ALPK3: variants seen among roughly 807,000 people sequenced by gnomAD.
ALPK3 encodes alpha-protein kinase 3.
ALPK3 carries 102 observed loss-of-function variants against 140.0 expected under a neutral mutation model. That is an observed-to-expected ratio of 0.73 (90% CI 0.62 to 0.86). The LOEUF (loss-of-function observed/expected upper bound fraction) is 0.86. ALPK3 is among the 40% of genes least tolerant of loss of function. The pLI is 0.00. For synonymous variants in ALPK3, 938 were observed against 898.5 expected (o/e 1.04, Z -0.79); for missense variants, 2,254 against 2,208.2 (o/e 1.02, Z -0.42).
In ALPK3 at chr15:84,856,241, C is replaced by T. The variant is rs190825171; in HGVS notation, c.1654-151C>T. 86 of 1,112,762 alleles carry T rather than the reference C, an allele frequency of 7.7e-5. No homozygotes were observed. The East Asian group carries it at 2.0e-3, about 26-fold the overall frequency. 68.9% of individuals were successfully genotyped at this position (1,112,762 alleles called of 1,614,324 possible). A position where few individuals can be genotyped will look rare whatever the true frequency, so the allele number is the denominator to read the frequency against. ...TTTGGGCATTTGTCACATGTCTTTG[C>T]CTCCCAACTTCCAGCAGGCCTGAGA... On this transcript the variant is annotated intron_variant, in intron 5 of 13. Transcript: ENST00000258888.
At chr15:84,843,740 A>G (rs992779707) in intron 5 of ALPK3, among the ~76,000 whole-genome samples, 4 of 152,264 alleles carry the variant, frequency 2.6e-5, no homozygotes, top group Non-Finnish European at 5.9e-5. Context: ...ATTATTTTTA[A>G]AAAGTATTTC....
rs750497832 is a variant in ALPK3 at position 84,863,657 on chromosome 15, G to C, written c.4499+17G>C. ...GGTGCCTGAGTAAGTACGCAGCGAGGAGGACGTGCAGTGTGCAGCACTGTT... is the reference window on the plus strand; with the variant it reads ...GGTGCCTGAGTAAGTACGCAGCGAGCAGGACGTGCAGTGTGCAGCACTGTT... On this transcript the variant is annotated intron_variant, in intron 11 of 13. Coordinates refer to ENST00000258888, the MANE Select transcript of ALPK3 (RefSeq NM_020778.5). 2.5e-6 allele frequency: 4 copies of C among 1,612,112 alleles called. No homozygotes were observed. The highest frequency in any genetic ancestry group is 3.3e-5 in the Admixed American group (2 of 59,906).
Position 84,858,287 on chromosome 15 carries a change from T to C in ALPK3, c.3549T>C (p.Pro1183=). The C allele has an allele frequency of 6.3e-7, 1 of 1,583,774 alleles. No individual in the cohort carries two copies. The highest frequency in any genetic ancestry group is 2.3e-5 in the East Asian group (1 of 43,044). Residue 1183 remains proline (P), a synonymous_variant, in exon 6 of 14, where the codon CCT becomes CCC. Transcript: ENST00000258888. ...CAGGAGACGGGGAGGCAACCACACC[T>C]GAAGAAAGGGAGAGCCCCACGGTTT... The part of the protein sequence containing the change: ...RAAGDGEATT[P]EERESPTVSP...
Position 84,857,808 on chromosome 15 carries a change from G to C in ALPK3, c.3070G>C (p.Val1024Leu). Reference sequence around the variant, plus strand: ...GGAGCGTGTGGAGAACAACCACCTGGTGCAGAGTGCACAGACCCTGCTGCT... The same window carrying C: ...GGAGCGTGTGGAGAACAACCACCTGCTGCAGAGTGCACAGACCCTGCTGCT... ...ILERVENNHL[V>L]QSAQTLLLSP... Residue 1024 changes from valine to leucine, a missense_variant, in exon 6 of 14, where the codon GTG becomes CTG. Physicochemically the swap from Val to Leu is conservative, Grantham distance 32 (BLOSUM62 1). This residue lies in a region of ALPK3 where 2,088 missense variants were observed against 2,022.9 expected (regional missense o/e 1.03). Transcript: ENST00000258888. 6.2e-7 allele frequency: 1 copy of C among 1,611,310 alleles called. No homozygotes were observed.
chr15:84,864,432 C>T lies in ALPK3; in HGVS notation c.4500-10C>T. The stretch of plus-strand genomic sequence containing the variant: ...ACTTCCTGCTTACTGCAGGGTGAAA[C>T]TATGTTTAGGATCATCCCACTGTAT... On this transcript the variant is annotated splice_polypyrimidine_tract_variant and intron_variant, in intron 11 of 13. Coordinates refer to ENST00000258888, the MANE Select transcript of ALPK3 (RefSeq NM_020778.5). 6.2e-7 allele frequency: 1 copy of T among 1,610,978 alleles called. No homozygotes were observed. Among genetic ancestry groups the T allele is most frequent in the Non-Finnish European group, 8.5e-7 (1 of 1,177,322 alleles).
At chr15:84,860,942 G>A (rs1374980539) in intron 9 of ALPK3, among the ~76,000 whole-genome samples, 2 of 152,190 alleles carry the variant, frequency 1.3e-5, no homozygotes, top group Admixed American at 6.5e-5. Flanking sequence ...GTCTGGTCTC[G>A]ACCTCCTGAC....
chr15:84,862,405 A>T lies in ALPK3; in HGVS notation c.4130-230A>T, dbSNP rs16974575. On this transcript the variant is annotated intron_variant, in intron 9 of 13. Transcript: ENST00000258888. ...GTGGAAGGCAGGGGTTATGTGATGGATACCACATGGGTACCGCTAGATGGC... is the reference window on the plus strand; with the variant it reads ...GTGGAAGGCAGGGGTTATGTGATGGTTACCACATGGGTACCGCTAGATGGC... Among the ~76,000 whole-genome samples, 4,019 of 152,098 alleles carry T rather than the reference A, an allele frequency of 0.026. 178 individuals are homozygous for T. The highest frequency in any genetic ancestry group is 0.09 in the African/African-American group (3,753 of 41,488).
At chr15:84,841,462 T>G (rs1963666560) in intron 5 of ALPK3, among the ~76,000 whole-genome samples, 1 of 152,236 alleles carries the variant, frequency 6.6e-6, no homozygotes, top group Non-Finnish European at 1.5e-5. Flanking sequence ...TGGCGTGATC[T>G]AGAGCAAGTT....
intron 2 of ALPK3, among the ~76,000 whole-genome samples, chr15:84,825,827 A>G (rs928146541): frequency 6.6e-6 from 1 of 152,232 alleles, no homozygotes; most frequent in African/African-American, 2.4e-5. Context: ...TTCAGATATT[A>G]ACACTTCCTG....
Position 84,840,405 on chromosome 15 carries a change from CG to C in ALPK3, c.1131del (p.Pro378LeufsTer38). On this transcript the variant is annotated frameshift_variant, in exon 5 of 14. Coordinates refer to ENST00000258888, the MANE Select transcript of ALPK3 (RefSeq NM_020778.5). LOFTEE classifies it high-confidence loss of function. ...VQTQPRGRAARGPGSSGTDST... is the reference protein window; with the variant it reads ...VQTQPRGRAAXGPGSSGTDST... ...GACCCAGCCCAGAGGCAGGGCTGCA[CG>C]GGGGCCTGGGTCCTCTGGCACAGAT... 1 of 1,613,806 alleles carries C rather than the reference CG, an allele frequency of 6.2e-7. No homozygotes were observed. The highest frequency in any genetic ancestry group is 8.5e-7 in the Non-Finnish European group (1 of 1,179,828).
At chr15:84,835,330 G>C (rs1210483169) in intron 3 of ALPK3, among the ~76,000 whole-genome samples, 1 of 152,166 alleles carries the variant, frequency 6.6e-6, no homozygotes, top group Non-Finnish European at 1.5e-5. Flanking sequence ...GGCCGACGCT[G>C]CTGCAGCCTC....
intron 1 of ALPK3, among the ~76,000 whole-genome samples, chr15:84,820,684 G>A (rs922116547): frequency 2.0e-4 from 31 of 152,190 alleles, no homozygotes; most frequent in African/African-American, 7.0e-4. Context: ...ATTTCATCCT[G>A]TTGGCCAGGC....
At chr15:84,833,584 T>C (rs1168271880) in intron 3 of ALPK3, among the ~76,000 whole-genome samples, 1 of 152,210 alleles carries the variant, frequency 6.6e-6, no homozygotes. Context: ...ATACGTGCAC[T>C]CTTCCTTCCT....
At chr15:84,824,837 T>C (rs1489868848) in intron 2 of ALPK3, among the ~76,000 whole-genome samples, 1 of 152,230 alleles carries the variant, frequency 6.6e-6, no homozygotes, top group Non-Finnish European at 1.5e-5. Flanking sequence ...ATGTGTGGAC[T>C]TCCTGGCTTT....
In ALPK3 at chr15:84,868,277, A is replaced by T. The variant is rs115364627; in HGVS notation, c.4939A>T (p.Arg1647Trp). Reference sequence around the variant, plus strand: ...AGGCTCTAAGAGTCCATCTGCTGGCAGGAAAGGCTCCCAGCTGAGTCCTCA... The same window carrying T: ...AGGCTCTAAGAGTCCATCTGCTGGCTGGAAAGGCTCCCAGCTGAGTCCTCA... ...AKGSKSPSAGRKGSQLSPQPQ... is the reference protein window; with the variant it reads ...AKGSKSPSAGWKGSQLSPQPQ... Residue 1647 changes from arginine to tryptophan, a missense_variant, in exon 14 of 14, where the codon AGG becomes TGG. Coordinates refer to ENST00000258888, the MANE Select transcript of ALPK3 (RefSeq NM_020778.5). The T allele has an allele frequency of 6.5e-4, 1,054 of 1,614,142 alleles. 2 individuals are homozygous for T. Among genetic ancestry groups the T allele is most frequent in the Non-Finnish European group, 8.5e-4 (1,004 of 1,179,986 alleles).
At position 84,858,065 on chromosome 15, in the gene ALPK3, C is replaced by T. The variant is rs1963889103; in HGVS notation, c.3327C>T (p.Ser1109=). The change falls in exon 6 of 14, where the codon AGC becomes AGT. Residue 1109 remains serine, a synonymous_variant. Coordinates refer to ENST00000258888, the MANE Select transcript of ALPK3 (RefSeq NM_020778.5). ...GPGLLGASQE[S]SMAGRLGEAG... Reference sequence around the variant, plus strand: ...GCCTCCTGGGGGCCTCTCAGGAGAGCAGCATGGCTGGTCGACTGGGGGAGG... The same window carrying T: ...GCCTCCTGGGGGCCTCTCAGGAGAGTAGCATGGCTGGTCGACTGGGGGAGG... 4.5e-6 allele frequency: 7 copies of T among 1,569,384 alleles called. No homozygotes were observed. Among genetic ancestry groups the T allele is most frequent in the Non-Finnish European group, 6.0e-6 (7 of 1,161,224 alleles).
At chr15:84,845,856 C>T (rs1315018387) in intron 5 of ALPK3, among the ~76,000 whole-genome samples, 3 of 152,096 alleles carry the variant, frequency 2.0e-5, no homozygotes, top group Non-Finnish European at 4.4e-5. Flanking sequence ...GTCAGGAGTT[C>T]GAGACCAGCG....
Position 84,858,286 on chromosome 15 carries a change from C to T in ALPK3, c.3548C>T (p.Pro1183Leu). The change falls in exon 6 of 14, where the codon CCT (proline) becomes CTT (leucine). Residue 1183 changes from proline to leucine, a missense_variant. Transcript: ENST00000258888. ...GCAGGAGACGGGGAGGCAACCACACCTGAAGAAAGGGAGAGCCCCACGGTT... is the reference window on the plus strand; with the variant it reads ...GCAGGAGACGGGGAGGCAACCACACTTGAAGAAAGGGAGAGCCCCACGGTT... ...RAAGDGEATTPEERESPTVSP... is the reference protein window; with the variant it reads ...RAAGDGEATTLEERESPTVSP... The T allele has an allele frequency of 6.3e-7, 1 of 1,584,822 alleles. No individual in the cohort carries two copies.
In ALPK3 at chr15:84,868,337, A is replaced by AGACTCTT. The variant is rs1964026009; in HGVS notation, c.4999_5000insGACTCTT (p.Thr1667ArgfsTer72). On this transcript the variant is annotated frameshift_variant, in exon 14 of 14. Transcript: ENST00000258888. LOFTEE classifies it high-confidence loss of function. ...GAAAGGCCTCCCTAGTCCTCAGGGC[A>AGACTCTT]CCCGGAAGAGTGCTCCAAGTTCCAA... 1.9e-6 allele frequency: 3 copies of AGACTCTT among 1,613,976 alleles called. No homozygotes were observed. Among genetic ancestry groups the AGACTCTT allele is most frequent in the Non-Finnish European group, 1.7e-6 (2 of 1,179,984 alleles).
Sources: allele counts gnomAD v4.1 joint callset (sites outside exome capture counted in the v4.1 genomes callset), GRCh38; gene constraint gnomAD v4.1.1; regional missense constraint gnomAD v4.1.1; transcripts MANE v1.5; gene names NCBI Gene and HGNC (gene_info 2026-07-23, HGNC 2026-07-21).